Variants in RORB observed in about 807,000 individuals in gnomAD.
RORB encodes RAR related orphan receptor B.
RORB carries 6 observed loss-of-function variants against 59.1 expected under a neutral mutation model. The observed-to-expected ratio is 0.10, with a 90% CI of 0.06 to 0.20. The LOEUF is 0.20. Ranked by LOEUF, RORB falls within the 10% of genes least tolerant of loss-of-function variation. The pLI is 1.00. For missense variants in RORB, 320 were observed against 560.5 expected (o/e 0.57, Z 4.33); for synonymous variants, 215 against 204.5 (o/e 1.05, Z -0.44).
At chr9:74,635,972 A>AAAC (rs1823695482) in intron 3 of RORB, among the ~76,000 whole-genome samples, 1 of 147,254 alleles carries the variant, frequency 6.8e-6, no homozygotes, top group Non-Finnish European at 1.5e-5. Context: ...AAAAAAAAAA[A>AAAC]CAGAATCTGA....
chr9:74,609,193 CAA>C (rs1332494028), intron 1 of RORB, among the ~76,000 whole-genome samples: 1 of 152,170 alleles, frequency 6.6e-6, no homozygotes, highest in Admixed American at 6.5e-5. Context: ...ATTCTCGTAA[CAA>C]ATACGCAAAA....
At position 74,642,494 on chromosome 9, in the gene RORB, G is replaced by A; in HGVS notation, c.316G>A (p.Glu106Lys). The change falls in exon 4 of 10, where the codon GAA becomes AAA. Residue 106 changes from glutamate to lysine, a missense_variant. Glu to Lys is a moderately conservative substitution (Grantham distance 56). Around this residue, in one of 4 missense-constraint regions of RORB, gnomAD observed 134 missense variants for 156.2 expected, o/e 0.86. Coordinates refer to ENST00000376896, the MANE Select transcript of RORB (RefSeq NM_006914.4). ...EVQKHQQRLQEQRQQQSGEAE... is the reference protein window; with the variant it reads ...EVQKHQQRLQKQRQQQSGEAE... ...GCAGAAGCACCAGCAGCGGCTGCAG[G>A]AACAGCGGCAGCAGCAGAGTGGGGA... The A allele has an allele frequency of 6.2e-7, 1 of 1,614,188 alleles. No homozygotes were observed. Among genetic ancestry groups the A allele is most frequent in the Admixed American group, 1.7e-5 (1 of 60,028 alleles).
At chr9:74,618,644 A>T (rs1823351503) in intron 1 of RORB, among the ~76,000 whole-genome samples, 1 of 152,152 alleles carries the variant, frequency 6.6e-6, no homozygotes, top group African/African-American at 2.4e-5. Flanking sequence ...AAGTGCTGAG[A>T]ACTTCAGGAA....
intron 1 of RORB, among the ~76,000 whole-genome samples, chr9:74,539,814 A>G (rs71507880): frequency 0.026 from 3,953 of 151,800 alleles, 70 homozygotes; most frequent in Non-Finnish European, 0.04. Flanking sequence ...ACAATTCCAG[A>G]AAACCTTAAG....
At chr9:74,502,852 T>C (rs1825820660) in intron 1 of RORB, among the ~76,000 whole-genome samples, 1 of 152,004 alleles carries the variant, frequency 6.6e-6, no homozygotes, top group Admixed American at 6.6e-5. Flanking sequence ...ACATACATTG[T>C]GAGTGCAAAA....
chr9:74,512,072 A>C (rs1587334074), intron 1 of RORB, among the ~76,000 whole-genome samples: 1 of 152,174 alleles, frequency 6.6e-6, no homozygotes, highest in South Asian at 2.1e-4. Flanking sequence ...AAATTCTTTA[A>C]CAGTGGATTA....
intron 1 of RORB, among the ~76,000 whole-genome samples, chr9:74,542,871 C>T (rs1826430451): frequency 6.6e-6 from 1 of 152,176 alleles, no homozygotes; most frequent in South Asian, 2.1e-4. Context: ...AAGGTCTGGT[C>T]TTTGCATAGC....
rs1367467202 is a variant in RORB, at chr9:74,686,463, T to A, written c.*845T>A. The A allele has an allele frequency of 6.6e-6, 1 of 152,290 alleles. No individual in the cohort carries two copies. The highest frequency in any genetic ancestry group is 1.5e-5 in the Non-Finnish European group (1 of 68,036). 9.4% of individuals were successfully genotyped at this position (152,290 alleles called of 1,614,324 possible). ...CCTGTTTCAAGAATTAGGCCACAGA[T>A]AACATTGCAAGGTCCAAGACTTTTT... On this transcript the variant is annotated 3_prime_UTR_variant, in exon 10 of 10. Coordinates refer to ENST00000376896, the MANE Select transcript of RORB (RefSeq NM_006914.4).
At chr9:74,620,510 A>AT (rs542277387) in intron 1 of RORB, among the ~76,000 whole-genome samples, 1 of 151,752 alleles carries the variant, frequency 6.6e-6, no homozygotes, top group Non-Finnish European at 1.5e-5. Flanking sequence ...GGATTCACTG[A>AT]TTTTTTTGAA....
intron 9 of RORB, among the ~76,000 whole-genome samples, chr9:74,683,451 T>G (rs1387074397): frequency 6.6e-6 from 1 of 152,180 alleles, no homozygotes; most frequent in Non-Finnish European, 1.5e-5. Context: ...TCTTTCTTTT[T>G]TGCTTAAAAC....
In RORB at chr9:74,671,815, A is replaced by G. The variant is rs1238554541; in HGVS notation, c.1138A>G (p.Lys380Glu). ...CCGAGCCTGGCTTATAGAACCAAGG[A>G]AAGTCCAGAAGCTTCAGGAAAAAAT... ...PDRAWLIEPR[K>E]VQKLQEKIYF... The change falls in exon 9 of 10, where the codon AAA becomes GAA. Residue 380 changes from lysine to glutamate, a missense_variant. Coordinates refer to ENST00000376896, the MANE Select transcript of RORB (RefSeq NM_006914.4). 1.2e-6 allele frequency: 2 copies of G among 1,612,602 alleles called. No homozygotes were observed. Among genetic ancestry groups the G allele is most frequent in the East Asian group, 2.2e-5 (1 of 44,838 alleles).
intron 1 of RORB, among the ~76,000 whole-genome samples, chr9:74,501,832 G>A (rs1352552037): frequency 6.6e-6 from 1 of 152,024 alleles, no homozygotes; most frequent in East Asian, 1.9e-4. Context: ...ATCACGAATT[G>A]GGAAACCAGG....
chr9:74,610,051 CA>C (rs1488470568), intron 1 of RORB, among the ~76,000 whole-genome samples: 10 of 152,174 alleles, frequency 6.6e-5, no homozygotes, highest in South Asian at 4.1e-4. Context: ...TGAATTTGGG[CA>C]AAATCATGGA....
At chr9:74,530,936 A>C (rs1190911726) in intron 1 of RORB, among the ~76,000 whole-genome samples, 2 of 151,462 alleles carry the variant, frequency 1.3e-5, no homozygotes, top group African/African-American at 2.4e-5. Context: ...AAGTGTTCTT[A>C]ATTTTTTTTC....
chr9:74,653,402 T>G (rs951262869), intron 4 of RORB, among the ~76,000 whole-genome samples: 4 of 152,026 alleles, frequency 2.6e-5, no homozygotes, highest in Admixed American at 6.6e-5. Flanking sequence ...AATTAAAAAT[T>G]CATTAATCAC....
intron 1 of RORB, among the ~76,000 whole-genome samples, chr9:74,500,684 TCCGGCAAA>T (rs1225173484): frequency 4.6e-5 from 7 of 152,204 alleles, no homozygotes; most frequent in African/African-American, 1.4e-4. Context: ...TCGGGGCCAA[TCCGGCAAA>T]CCTATTCCCA....
chr9:74,685,558 A>G lies in RORB; in HGVS notation c.1320A>G (p.Thr440=). The change falls in exon 10 of 10, where the codon ACA becomes ACG. Residue 440 remains threonine, a synonymous_variant. Coordinates refer to ENST00000376896, the MANE Select transcript of RORB (RefSeq NM_006914.4). ...FKQSHPEIVN[T]LFPPLYKELF... is the part of the protein sequence containing the mutation. ...AATCTCATCCAGAGATAGTGAATACACTGTTTCCTCCGTTATACAAGGAGC... is the reference window on the plus strand; with the variant it reads ...AATCTCATCCAGAGATAGTGAATACGCTGTTTCCTCCGTTATACAAGGAGC... 3.1e-6 allele frequency: 5 copies of G among 1,613,024 alleles called. No homozygotes were observed. The highest frequency in any genetic ancestry group is 4.2e-6 in the Non-Finnish European group (5 of 1,179,178).
intron 1 of RORB, among the ~76,000 whole-genome samples, chr9:74,570,317 C>T (rs1038818641): frequency 6.6e-6 from 1 of 152,038 alleles, no homozygotes; most frequent in Non-Finnish European, 1.5e-5. Context: ...ATGTATTTGT[C>T]ATCTTTAATG....
intron 1 of RORB, among the ~76,000 whole-genome samples, chr9:74,511,139 T>C (rs1403617067): frequency 1.3e-5 from 2 of 152,170 alleles, no homozygotes; most frequent in Non-Finnish European, 2.9e-5. Flanking sequence ...TCATGTAATA[T>C]GTATTCACTG....
Sources: allele counts gnomAD v4.1 joint callset (sites outside exome capture counted in the v4.1 genomes callset), GRCh38; gene constraint gnomAD v4.1.1; regional missense constraint gnomAD v4.1.1; transcripts MANE v1.5; gene names NCBI Gene and HGNC (gene_info 2026-07-23, HGNC 2026-07-21).